SGCZ: variants seen among roughly 807,000 people sequenced by gnomAD.
SGCZ encodes zeta-sarcoglycan.
A neutral mutation model predicts 41.3 loss-of-function variants in SGCZ; 40 were observed. The observed-to-expected ratio is 0.97, with a 90% confidence interval of 0.75 to 1.26. The LOEUF (loss-of-function observed/expected upper bound fraction) is 1.26. Among genes scored for constraint, SGCZ ranks in the 50% most tolerant of loss-of-function variants. The pLI, the probability that SGCZ is intolerant of heterozygous loss-of-function variation, is 0.00. For synonymous variants in SGCZ, 206 were observed against 137.5 expected (o/e 1.50, Z -3.49); for missense variants, 552 against 369.8 (o/e 1.49, Z -4.04).
chr8:14,386,022 T>C (rs1159916762), intron 2 of SGCZ, among the ~76,000 whole-genome samples: 1 of 152,180 alleles, frequency 6.6e-6, no homozygotes, highest in Non-Finnish European at 1.5e-5. Context: ...ACTTTTAATG[T>C]CTATTATTCT....
intron 4 of SGCZ, among the ~76,000 whole-genome samples, chr8:14,170,025 T>A (rs544786036): frequency 1.3e-4 from 20 of 151,926 alleles, no homozygotes; most frequent in African/African-American, 4.1e-4. Flanking sequence ...ACTTGAATAC[T>A]TTGTAAATTT....
intron 2 of SGCZ, among the ~76,000 whole-genome samples, chr8:14,494,429 G>T (rs1801931543): frequency 6.6e-6 from 1 of 152,068 alleles, no homozygotes; most frequent in African/African-American, 2.4e-5. Flanking sequence ...GAGAGAAGAA[G>T]AATGATATTT....
chr8:14,669,726 ACACAC>A (rs1315557119), intron 1 of SGCZ, among the ~76,000 whole-genome samples: 4 of 142,958 alleles, frequency 2.8e-5, no homozygotes, highest in Admixed American at 7.4e-5. Context: ...ACACACACAC[ACACAC>A]AATATTTTGT....
intron 1 of SGCZ, among the ~76,000 whole-genome samples, chr8:14,697,819 A>G (rs2117588716): frequency 6.6e-6 from 1 of 152,122 alleles, no homozygotes; most frequent in Admixed American, 6.6e-5. Context: ...CAGTCCAGCA[A>G]TACTATTCCC....
At chr8:14,384,728 T>G (rs959242195) in intron 2 of SGCZ, among the ~76,000 whole-genome samples, 6 of 152,088 alleles carry the variant, frequency 3.9e-5, no homozygotes, top group African/African-American at 1.4e-4. Flanking sequence ...CCCGGCTAAT[T>G]TTTGTAGAGA....
intron 2 of SGCZ, among the ~76,000 whole-genome samples, chr8:14,427,753 G>C (rs1183022004): frequency 6.6e-6 from 1 of 152,086 alleles, no homozygotes; most frequent in Admixed American, 6.6e-5. Flanking sequence ...AATTAAAGAA[G>C]GCTGAACCTG....
intron 2 of SGCZ, among the ~76,000 whole-genome samples, chr8:14,351,322 G>C (rs960433184): frequency 5.9e-5 from 9 of 151,926 alleles, no homozygotes; most frequent in Admixed American, 6.6e-5. Flanking sequence ...TTAACTGTTA[G>C]AAAATTAATG....
intron 3 of SGCZ, among the ~76,000 whole-genome samples, chr8:14,263,133 C>T (rs1447539380): frequency 6.6e-6 from 1 of 151,996 alleles, no homozygotes; most frequent in Non-Finnish European, 1.5e-5. Flanking sequence ...ATATTAAACA[C>T]TACAAACTAA....
At chr8:14,344,597 A>G in intron 2 of SGCZ, among the ~76,000 whole-genome samples, 1 of 152,110 alleles carries the variant, frequency 6.6e-6, no homozygotes, top group East Asian at 1.9e-4. Flanking sequence ...AGAAAGGGAA[A>G]AGGGGGGAAC....
intron 1 of SGCZ, among the ~76,000 whole-genome samples, chr8:15,083,381 C>A (rs972980629): frequency 6.6e-5 from 10 of 152,084 alleles, no homozygotes; most frequent in African/African-American, 2.4e-4. Context: ...ATAGCCTAAA[C>A]TTTTTTCATT....
chr8:14,402,304 T>A (rs1172515170), intron 2 of SGCZ, among the ~76,000 whole-genome samples: 1 of 151,380 alleles, frequency 6.6e-6, no homozygotes, highest in East Asian at 1.9e-4. Flanking sequence ...TAGATCCCAT[T>A]TGTCAATTTT....
At chr8:14,344,018 A>G (rs1359229730) in intron 2 of SGCZ, among the ~76,000 whole-genome samples, 5 of 152,186 alleles carry the variant, frequency 3.3e-5, no homozygotes, top group Non-Finnish European at 5.9e-5. Flanking sequence ...AGGAACTGCA[A>G]TCCACGAAAA....
intron 4 of SGCZ, among the ~76,000 whole-genome samples, chr8:14,210,287 G>A (rs1018639947): frequency 6.6e-6 from 1 of 152,022 alleles, no homozygotes. Flanking sequence ...TCGAACTCCT[G>A]ACCTGAAGTG....
intron 1 of SGCZ, among the ~76,000 whole-genome samples, chr8:15,097,523 A>T (rs1806392759): frequency 6.6e-6 from 1 of 151,810 alleles, no homozygotes; most frequent in Non-Finnish European, 1.5e-5. Flanking sequence ...CCAAGATGGG[A>T]GGATTAGTTG....
rs369704662 is a variant in SGCZ at position 15,002,416 on chromosome 8, G to A, written c.39+235169C>T. ...ATCATATAGTACGTTTTATTTTAAG[G>A]TTTCTGAGGCTTCTTAATCCTATAT... On this transcript the variant is annotated intron_variant, in intron 1 of 7. Transcript: ENST00000382080. 1.9e-4 allele frequency among the ~76,000 whole-genome samples: 29 copies of A among 152,198 alleles called. No individual in the cohort carries two copies. The South Asian group carries it at 6.0e-3, about 32-fold the overall frequency.
At chr8:14,827,386 A>G (rs1802370773) in intron 1 of SGCZ, among the ~76,000 whole-genome samples, 1 of 151,808 alleles carries the variant, frequency 6.6e-6, no homozygotes, top group Non-Finnish European at 1.5e-5. Context: ...ACAGGCATGC[A>G]CCACCATGCC....
intron 2 of SGCZ, among the ~76,000 whole-genome samples, chr8:14,402,102 G>A (rs1031338195): frequency 3.3e-5 from 5 of 152,134 alleles, no homozygotes; most frequent in Admixed American, 2.6e-4. Context: ...AGAAGTGTCT[G>A]TTCATGTCCT....
At chr8:14,495,605 T>C (rs1253174698) in intron 2 of SGCZ, among the ~76,000 whole-genome samples, 1 of 152,170 alleles carries the variant, frequency 6.6e-6, no homozygotes, top group Non-Finnish European at 1.5e-5. Context: ...TATTTTCTCA[T>C]TTAATCCTTC....
At chr8:14,927,551 GA>G (rs33980042) in intron 1 of SGCZ, among the ~76,000 whole-genome samples, 51,942 of 151,922 alleles carry the variant, frequency 0.34, 9,351 homozygotes, top group Non-Finnish European at 0.4. Flanking sequence ...GAAGAAAGAA[GA>G]GGGAGAGAGA....
Sources: gnomAD v4.1 joint callset for allele counts (sites outside exome capture counted in the v4.1 genomes callset) on GRCh38, gnomAD v4.1.1 for gene constraint, MANE v1.5 for transcripts, NCBI Gene and HGNC (gene_info 2026-07-23, HGNC 2026-07-21) for gene names.